The following ASIC2 variants were observed in gnomAD, a reference collection of about 807,000 sequenced individuals.
ASIC2 encodes the protein acid-sensing ion channel 2.
ASIC2 carries 25 observed loss-of-function variants against 57.3 expected under a neutral mutation model. The observed-to-expected ratio is 0.44, with a 90% CI of 0.32 to 0.61. ASIC2 has a LOEUF of 0.61. Ranked by LOEUF, ASIC2 falls within the 20% of genes least tolerant of loss-of-function variation. ASIC2 has a pLI of 0.06. For missense variants in ASIC2, 641 were observed against 738.1 expected, an observed-to-expected ratio of 0.87 and a Z score of 1.52; for synonymous variants, 319 against 307.5, an observed-to-expected ratio of 1.04 and a Z score of -0.39.
chr17:33,928,708 C>T (rs910871456), intron 1 of ASIC2, among the ~76,000 whole-genome samples: 1 of 152,066 alleles, frequency 6.6e-6, no homozygotes, highest in Admixed American at 6.5e-5. Flanking sequence ...CCAGAGTTCT[C>T]GAGGTGCAGG....
chr17:33,546,152 AATAT>A (rs1398556177), intron 1 of ASIC2, among the ~76,000 whole-genome samples: 2 of 149,908 alleles, frequency 1.3e-5, no homozygotes, highest in African/African-American at 4.9e-5. Flanking sequence ...TGTATATGTA[AATAT>A]ATATACATAA....
rs143916964 is a variant in ASIC2, at chr17:34,125,157, G to A, written c.555+30821C>T. 4.0e-3 allele frequency among the ~76,000 whole-genome samples: 611 copies of A among 151,798 alleles called. 4 individuals are homozygous for A. The highest frequency in any genetic ancestry group is 0.014 in the African/African-American group (567 of 41,364). Reference sequence around the variant, plus strand: ...TCCGTGTCCCCATTGAGACTTGCATGCCCTCACCACAGTGCTACTGACACA... The same window carrying A: ...TCCGTGTCCCCATTGAGACTTGCATACCCTCACCACAGTGCTACTGACACA... On this transcript the variant is annotated intron_variant, in intron 1 of 9. Coordinates refer to the ASIC2 transcript ENST00000359872.
chr17:34,074,787 T>C (rs1323443296), intron 1 of ASIC2, among the ~76,000 whole-genome samples: 73 of 145,150 alleles, frequency 5.0e-4, no homozygotes, highest in African/African-American at 1.7e-3. Flanking sequence ...TCTTTCTTTT[T>C]TTTTTTTTTT....
chr17:33,472,008 C>A (rs1913066413), intron 1 of ASIC2, among the ~76,000 whole-genome samples: 1 of 137,602 alleles, frequency 7.3e-6, no homozygotes, highest in East Asian at 2.1e-4. Flanking sequence ...GGAATTTACA[C>A]CAGGGACTTT....
At chr17:33,916,828 C>A (rs976815117) in intron 1 of ASIC2, among the ~76,000 whole-genome samples, 1 of 152,182 alleles carries the variant, frequency 6.6e-6, no homozygotes, top group Non-Finnish European at 1.5e-5. Flanking sequence ...AACCCAGTTC[C>A]CATACTTGTT....
chr17:34,130,426 G>A (rs577177834), intron 1 of ASIC2, among the ~76,000 whole-genome samples: 9 of 152,208 alleles, frequency 5.9e-5, no homozygotes, highest in Non-Finnish European at 8.8e-5. Context: ...GGGCTCAAAG[G>A]AGCCTGGAGA....
intron 1 of ASIC2, among the ~76,000 whole-genome samples, chr17:33,851,148 T>C (rs1311353571): frequency 6.6e-6 from 1 of 152,186 alleles, no homozygotes; most frequent in Non-Finnish European, 1.5e-5. Flanking sequence ...GTTTAAAGAC[T>C]GTAGGTTTTT....
intron 1 of ASIC2, among the ~76,000 whole-genome samples, chr17:33,443,400 G>A (rs1911893540): frequency 1.6e-5 from 2 of 125,712 alleles, no homozygotes; most frequent in South Asian, 5.3e-4. Context: ...TATGGTGGAG[G>A]GTAAGATTTT....
intron 1 of ASIC2, among the ~76,000 whole-genome samples, chr17:33,189,180 C>T (rs759356368): frequency 1.5e-4 from 23 of 152,144 alleles, no homozygotes; most frequent in Non-Finnish European, 2.8e-4. Flanking sequence ...TGGGTAGATG[C>T]CAAGGATGTT....
Position 34,039,827 on chromosome 17 carries a change from A to G in ASIC2, c.555+116151T>C, listed in dbSNP as rs111781970. The stretch of plus-strand genomic sequence containing the variant: ...CCTACTCCAGTAAACCTGGCCTCCA[A>G]TAATTTCTGCCGTCGTGGGTCCAGG... On this transcript the variant is annotated intron_variant, in intron 1 of 9. Transcript: ENST00000359872. The G allele has an allele frequency of 2.8e-5, 45 of 1,608,426 alleles. 1 individual carries two copies. Among genetic ancestry groups the G allele is most frequent in the African/African-American group, 2.7e-4 (20 of 74,900 alleles).
At chr17:33,306,850 G>A (rs1906198010) in intron 1 of ASIC2, among the ~76,000 whole-genome samples, 1 of 152,138 alleles carries the variant, frequency 6.6e-6, no homozygotes, top group South Asian at 2.1e-4. Flanking sequence ...GTCACACAGT[G>A]TGTTACAGGA....
At chr17:33,861,149 T>G (rs919523878) in intron 1 of ASIC2, among the ~76,000 whole-genome samples, 1 of 152,214 alleles carries the variant, frequency 6.6e-6, no homozygotes, top group Admixed American at 6.5e-5. Context: ...ATTTCTTACA[T>G]TAGTCTTATT....
At chr17:33,318,361 T>C (rs1010924407) in intron 1 of ASIC2, among the ~76,000 whole-genome samples, 1 of 152,178 alleles carries the variant, frequency 6.6e-6, no homozygotes, top group African/African-American at 2.4e-5. Flanking sequence ...TGTCTTACCA[T>C]GGAACTGATT....
chr17:33,856,491 AATAGTGTT>A lies in ASIC2; in HGVS notation c.555+299479_555+299486del, dbSNP rs1567736109. Among the ~76,000 whole-genome samples the A allele has an allele frequency of 2.2e-4, 33 of 151,476 alleles. 1 individual carries two copies. The highest frequency in any genetic ancestry group is 4.3e-4 in the African/African-American group (18 of 41,460). Reference sequence around the variant, plus strand: ...TAGTAGTGGTGGTGGTGGCAGTAGTAATAGTGTTGTCAGTAGTAGTGGTGGTGGTGGTA... The same window carrying A: ...TAGTAGTGGTGGTGGTGGCAGTAGTAGTCAGTAGTAGTGGTGGTGGTGGTA... On this transcript the variant is annotated intron_variant, in intron 1 of 9. Coordinates refer to the ASIC2 transcript ENST00000359872.
chr17:34,029,030 CTT>C (rs1394107302), intron 1 of ASIC2, among the ~76,000 whole-genome samples: 5 of 152,292 alleles, frequency 3.3e-5, no homozygotes, highest in Non-Finnish European at 5.9e-5. Context: ...GACTTGAAGT[CTT>C]TGACTTCGTT....
At chr17:33,246,243 G>A (rs1447187502) in intron 1 of ASIC2, among the ~76,000 whole-genome samples, 1 of 152,098 alleles carries the variant, frequency 6.6e-6, no homozygotes, top group East Asian at 1.9e-4. Context: ...GGAAGGGAGA[G>A]GGAGAAATAA....
intron 1 of ASIC2, among the ~76,000 whole-genome samples, chr17:33,418,695 C>A (rs1295220608): frequency 6.6e-6 from 1 of 152,126 alleles, no homozygotes; most frequent in Non-Finnish European, 1.5e-5. Context: ...GTAGTTATTT[C>A]TGAGGCCTCT....
At chr17:34,135,460 C>T (rs1023183398) in intron 1 of ASIC2, among the ~76,000 whole-genome samples, 1 of 152,184 alleles carries the variant, frequency 6.6e-6, no homozygotes, top group African/African-American at 2.4e-5. Flanking sequence ...TCAATCTTGG[C>T]TGGGCATTAA....
chr17:34,095,724 G>C (rs1026115424), intron 1 of ASIC2, among the ~76,000 whole-genome samples: 4 of 141,972 alleles, frequency 2.8e-5, no homozygotes, highest in East Asian at 4.0e-4. Context: ...TATATATAGA[G>C]AGATATATAT....
Sources: allele counts gnomAD v4.1 joint callset (sites outside exome capture counted in the v4.1 genomes callset), GRCh38; gene constraint gnomAD v4.1.1; transcripts MANE v1.5; gene names NCBI Gene and HGNC (gene_info 2026-07-23, HGNC 2026-07-21).